Variants in PIEZO2 observed in about 807,000 individuals in gnomAD.
PIEZO2 encodes the protein piezo type mechanosensitive ion channel component 2.
In PIEZO2, 172 loss-of-function variants were observed where a neutral mutation model predicts 337.3. The ratio of observed to expected loss-of-function variants is 0.51; its 90% CI spans 0.45 to 0.58. PIEZO2 has a LOEUF of 0.58. Ranked by LOEUF, PIEZO2 falls within the 20% of genes least tolerant of loss-of-function variation. The pLI is 0.00. For synonymous variants in PIEZO2, 1,251 were observed against 1,228.5 expected (o/e 1.02, Z -0.38); for missense variants, 3,028 against 3,391.3 (o/e 0.89, Z 2.66).
chr18:10,723,302 T>A (rs1388287751), intron 36 of PIEZO2, among the ~76,000 whole-genome samples: 1 of 152,098 alleles, frequency 6.6e-6, no homozygotes, highest in Non-Finnish European at 1.5e-5. Context: ...TGGGTGCTGA[T>A]CAATATGAAG....
chr18:10,799,123 T>G (rs2039714125), intron 11 of PIEZO2, among the ~76,000 whole-genome samples: 2 of 152,132 alleles, frequency 1.3e-5, no homozygotes, highest in Non-Finnish European at 2.9e-5. Context: ...AGAACAGACA[T>G]GAGAATAAAC....
In PIEZO2 at chr18:10,872,257, T is replaced by G. The variant is rs2042157748; in HGVS notation, c.330-842A>C. ...TAATTTTCACACATATAGGGCATTTTTGTTATAATTGAGATCCTGAAACAA... is the reference window on the plus strand; with the variant it reads ...TAATTTTCACACATATAGGGCATTTGTGTTATAATTGAGATCCTGAAACAA... On this transcript the variant is annotated intron_variant, in intron 4 of 55. Coordinates refer to ENST00000674853, the MANE Select transcript of PIEZO2 (RefSeq NM_001378183.1). This position sits in a 1 kb window ranked among gnomAD's most constrained non-coding sequence, Gnocchi z 4.3. Among the ~76,000 whole-genome samples, 1 of 152,220 alleles carries G rather than the reference T, an allele frequency of 6.6e-6. No individual in the cohort carries two copies. Among genetic ancestry groups the G allele is most frequent in the Non-Finnish European group, 1.5e-5 (1 of 68,028 alleles).
intron 13 of PIEZO2, 173 bp from the exon 14 acceptor site, chr18:10,791,497 G>T: frequency 1.6e-6 from 1 of 642,388 alleles, no homozygotes; most frequent in Non-Finnish European, 2.3e-6. Context: ...CTGCTTTTAA[G>T]TCCCTTTTCC....
chr18:11,052,982 C>T (rs191123586), intron 2 of PIEZO2, among the ~76,000 whole-genome samples: 6 of 152,286 alleles, frequency 3.9e-5, no homozygotes, highest in South Asian at 4.1e-4. Flanking sequence ...TTAGCTCTGT[C>T]GTCAAGGGCA....
At chr18:10,983,908 T>C (rs1268574067) in intron 2 of PIEZO2, among the ~76,000 whole-genome samples, 1 of 152,106 alleles carries the variant, frequency 6.6e-6, no homozygotes. Flanking sequence ...TTGAATGCTA[T>C]CAGTACCAGG....
intron 1 of PIEZO2, among the ~76,000 whole-genome samples, chr18:11,117,917 A>T (rs1366931527): frequency 1.3e-5 from 2 of 152,228 alleles, no homozygotes; most frequent in African/African-American, 4.8e-5. Flanking sequence ...CAGTAGCTGC[A>T]TTCAAAGAGG....
chr18:10,708,505 G>A (rs2035680473), intron 39 of PIEZO2, 66 bp from the exon 40 acceptor site: 1 of 152,588 alleles, frequency 6.6e-6, no homozygotes, highest in Non-Finnish European at 1.5e-5. Flanking sequence ...GTTACACACG[G>A]ATCAACTGAC....
intron 37 of PIEZO2, 43 bp from the exon 38 acceptor site, chr18:10,715,859 C>A (rs1191707257): frequency 4.2e-6 from 6 of 1,426,492 alleles, no homozygotes; most frequent in Non-Finnish European, 5.6e-6. Flanking sequence ...GAACAAAATA[C>A]CATTGATTTT....
At chr18:11,114,646 C>T (rs2039832963) in intron 1 of PIEZO2, among the ~76,000 whole-genome samples, 1 of 151,152 alleles carries the variant, frequency 6.6e-6, no homozygotes, top group Admixed American at 6.6e-5. Flanking sequence ...GCCTGGGCAA[C>T]AGAGGGAGAC....
intron 3 of PIEZO2, among the ~76,000 whole-genome samples, chr18:10,966,611 T>C (rs2034009528): frequency 6.6e-6 from 1 of 152,134 alleles, no homozygotes; most frequent in African/African-American, 2.4e-5. Flanking sequence ...ATTTTTTTAA[T>C]TTAATTTTAA....
rs193071574 is a variant in PIEZO2 at position 10,917,355 on chromosome 18, G to C, written c.287-6127C>G. On this transcript the variant is annotated intron_variant, in intron 3 of 55. Coordinates refer to ENST00000674853, the MANE Select transcript of PIEZO2 (RefSeq NM_001378183.1). ...CTCCTCCCTTAATATAACACAAAAG[G>C]GTTTTTAACAGGCTCCTTTCATTTT... Among the ~76,000 whole-genome samples the C allele has an allele frequency of 1.4e-4, 22 of 152,026 alleles. No homozygotes were observed. The East Asian group carries it at 4.2e-3, about 29-fold the overall frequency.
intron 2 of PIEZO2, among the ~76,000 whole-genome samples, chr18:10,981,598 T>C (rs2034669220): frequency 6.6e-6 from 1 of 152,212 alleles, no homozygotes; most frequent in Admixed American, 6.5e-5. Context: ...TGGTTAATAC[T>C]GAGTGTCAAC....
At chr18:10,771,160 C>T (rs916054970) in intron 20 of PIEZO2, among the ~76,000 whole-genome samples, 1 of 152,226 alleles carries the variant, frequency 6.6e-6, no homozygotes, top group African/African-American at 2.4e-5. Context: ...TGGCCTGTCT[C>T]CTTCGACAAG....
rs1598336446 is a variant in PIEZO2 at position 10,671,500 on chromosome 18, A to G, written c.*27T>C. Reference sequence around the variant, plus strand: ...TTTTAAAAAAAATTCAAATGTTAACATTATTTGCAGTCTGTGTTCTAAGGT... The same window carrying G: ...TTTTAAAAAAAATTCAAATGTTAACGTTATTTGCAGTCTGTGTTCTAAGGT... On this transcript the variant is annotated 3_prime_UTR_variant, in exon 56 of 56. Transcript: ENST00000674853. 2 of 1,583,352 alleles carry G rather than the reference A, an allele frequency of 1.3e-6. No individual in the cohort carries two copies. The highest frequency in any genetic ancestry group is 1.7e-6 in the Non-Finnish European group (2 of 1,165,546).
chr18:11,014,895 G>T (rs1156681827), intron 2 of PIEZO2, among the ~76,000 whole-genome samples: 1 of 143,202 alleles, frequency 7.0e-6, no homozygotes, highest in Non-Finnish European at 1.5e-5. Flanking sequence ...CTCAGTGTGG[G>T]GAAGATGTCA....
rs1171679947 is a variant in PIEZO2, at chr18:11,001,317, CA to C, written c.161-21658del. On this transcript the variant is annotated intron_variant, in intron 2 of 55. Transcript: ENST00000674853. The surrounding 1 kb of genome is among the most constrained non-coding windows in gnomAD (Gnocchi z 5.3). The stretch of plus-strand genomic sequence containing the variant: ...TTCCTCAGCAGCTAGTAGAGAAGGC[CA>C]AAAGTCAGCACATCTTGCTAGGCAT... Among the ~76,000 whole-genome samples, 2 of 152,044 alleles carry C rather than the reference CA, an allele frequency of 1.3e-5. No homozygotes were observed. The highest frequency in any genetic ancestry group is 4.8e-5 in the African/African-American group (2 of 41,398).
At chr18:10,946,670 G>A (rs982025344) in intron 3 of PIEZO2, among the ~76,000 whole-genome samples, 2 of 152,200 alleles carry the variant, frequency 1.3e-5, no homozygotes, top group Non-Finnish European at 1.5e-5. Context: ...GGTGCTGCCA[G>A]GGCTTAGTGG....
At chr18:11,090,347 CA>C in intron 1 of PIEZO2, among the ~76,000 whole-genome samples, 1 of 151,874 alleles carries the variant, frequency 6.6e-6, no homozygotes, top group Non-Finnish European at 1.5e-5. Flanking sequence ...AACTGCTGGG[CA>C]AAAAAACAAA....
chr18:10,722,263 C>T (rs1309529758), intron 36 of PIEZO2, among the ~76,000 whole-genome samples: 3 of 149,714 alleles, frequency 2.0e-5, no homozygotes, highest in Non-Finnish European at 4.4e-5. Flanking sequence ...CAAAGTCTCA[C>T]TCTGTCACCC....
Sources: allele counts gnomAD v4.1 joint callset (sites outside exome capture counted in the v4.1 genomes callset), GRCh38; gene constraint gnomAD v4.1.1; non-coding constraint Gnocchi (gnomAD v3.1); transcripts MANE v1.5; gene names NCBI Gene and HGNC (gene_info 2026-07-23, HGNC 2026-07-21).